The following AGBL4 variants were observed in gnomAD, a reference collection of about 807,000 sequenced individuals.
AGBL4 encodes cytosolic carboxypeptidase 6.
AGBL4 carries 58 observed loss-of-function variants against 66.4 expected under a neutral mutation model. The observed-to-expected ratio is 0.87, with a 90% CI of 0.71 to 1.09. AGBL4 has a LOEUF of 1.09. AGBL4 is among the 50% of genes least tolerant of loss of function. The pLI, the probability that AGBL4 is intolerant of heterozygous loss-of-function variation, is 0.00. For missense variants in AGBL4, 579 were observed against 631.0 expected (o/e 0.92, Z 0.88); for synonymous variants, 234 against 222.9 (o/e 1.05, Z -0.44).
chr1:48,580,701 G>A (rs1201000421), intron 11 of AGBL4, among the ~76,000 whole-genome samples: 1 of 152,098 alleles, frequency 6.6e-6, no homozygotes, highest in East Asian at 1.9e-4. Context: ...TAAAGCCAAT[G>A]GGAGACAAAA....
At chr1:48,577,149 C>T (rs1644666916) in intron 11 of AGBL4, among the ~76,000 whole-genome samples, 1 of 152,198 alleles carries the variant, frequency 6.6e-6, no homozygotes, top group African/African-American at 2.4e-5. Flanking sequence ...AGGCCTAAAC[C>T]TGAAACTGGT....
chr1:48,708,688 C>T (rs1415295790), intron 6 of AGBL4, among the ~76,000 whole-genome samples: 20 of 152,188 alleles, frequency 1.3e-4, no homozygotes, highest in Admixed American at 1.3e-3. Flanking sequence ...AAGGGCTGAG[C>T]CTAAAGCTCA....
At chr1:49,220,338 T>A (rs1014343106) in intron 4 of AGBL4, among the ~76,000 whole-genome samples, 8 of 152,162 alleles carry the variant, frequency 5.3e-5, no homozygotes, top group Non-Finnish European at 4.4e-5. Context: ...ATGAACATGA[T>A]CCTTGTCATC....
chr1:48,800,548 T>C (rs1172666597), intron 6 of AGBL4, among the ~76,000 whole-genome samples: 3 of 152,192 alleles, frequency 2.0e-5, no homozygotes, highest in African/African-American at 7.2e-5. Context: ...ATTTGGTTTG[T>C]TCTTGTTTCT....
intron 2 of AGBL4, among the ~76,000 whole-genome samples, chr1:49,797,982 C>T (rs1460654218): frequency 3.3e-5 from 5 of 152,024 alleles, no homozygotes; most frequent in Non-Finnish European, 5.9e-5. Context: ...AGGCTGGTCT[C>T]GAACTACAGA....
chr1:49,564,199 TTTTC>T (rs1644131575), intron 3 of AGBL4, among the ~76,000 whole-genome samples: 1 of 152,136 alleles, frequency 6.6e-6, no homozygotes, highest in Non-Finnish European at 1.5e-5. Flanking sequence ...TTATTCTCTC[TTTTC>T]TTTATTAGTC....
At chr1:49,918,667 G>A (rs1571870028) in intron 1 of AGBL4, among the ~76,000 whole-genome samples, 1 of 152,134 alleles carries the variant, frequency 6.6e-6, no homozygotes, top group Non-Finnish European at 1.5e-5. Flanking sequence ...ACAAAAAGGA[G>A]CTGGTACCAT....
intron 5 of AGBL4, among the ~76,000 whole-genome samples, chr1:48,962,050 A>G (rs1258424943): frequency 6.6e-6 from 1 of 152,150 alleles, no homozygotes; most frequent in Non-Finnish European, 1.5e-5. Flanking sequence ...GTATAGAACC[A>G]CAGACTTAGA....
chr1:48,867,092 G>T, intron 6 of AGBL4, 99 bp downstream of exon 6: 1 of 1,332,192 alleles, frequency 7.5e-7, no homozygotes, highest in South Asian at 1.2e-5. Context: ...TTCATTCAGG[G>T]AGCCAAAAGA....
chr1:49,633,089 A>G (rs1571214977), intron 3 of AGBL4, among the ~76,000 whole-genome samples: 1 of 152,022 alleles, frequency 6.6e-6, no homozygotes, highest in East Asian at 1.9e-4. Flanking sequence ...TAAATAAGTA[A>G]ATAAAAATAA....
At chr1:49,552,463 G>A (rs1653042873) in intron 3 of AGBL4, among the ~76,000 whole-genome samples, 1 of 152,192 alleles carries the variant, frequency 6.6e-6, no homozygotes, top group Non-Finnish European at 1.5e-5. Context: ...GACCCAGCGA[G>A]CTCCCAGGGC....
At chr1:49,712,932 T>A (rs1224734647) in intron 2 of AGBL4, among the ~76,000 whole-genome samples, 1 of 151,976 alleles carries the variant, frequency 6.6e-6, no homozygotes, top group East Asian at 1.9e-4. Context: ...TGGAGTAGTG[T>A]CCTAAGCACA....
intron 3 of AGBL4, among the ~76,000 whole-genome samples, chr1:49,473,662 C>T (rs1646791149): frequency 6.6e-6 from 1 of 151,894 alleles, no homozygotes; most frequent in Non-Finnish European, 1.5e-5. Flanking sequence ...CAATTTTTGT[C>T]TTTGTTGCTA....
intron 4 of AGBL4, among the ~76,000 whole-genome samples, chr1:49,146,634 G>T (rs1646223452): frequency 6.6e-6 from 1 of 152,194 alleles, no homozygotes; most frequent in Non-Finnish European, 1.5e-5. Context: ...GTGGGATGGT[G>T]GTGGTGACTG....
At chr1:49,737,353 TA>T (rs201754259) in intron 2 of AGBL4, among the ~76,000 whole-genome samples, 1 of 151,598 alleles carries the variant, frequency 6.6e-6, no homozygotes, top group African/African-American at 2.4e-5. Flanking sequence ...TACTCAGAAA[TA>T]AAAAAAATAA....
intron 1 of AGBL4, among the ~76,000 whole-genome samples, chr1:49,883,479 C>G (rs932056733): frequency 1.3e-5 from 2 of 152,040 alleles, no homozygotes; most frequent in Non-Finnish European, 2.9e-5. Flanking sequence ...CTTTTTACCT[C>G]TAGTGATTAT....
intron 4 of AGBL4, among the ~76,000 whole-genome samples, chr1:49,169,314 C>A (rs957278720): frequency 6.6e-6 from 1 of 152,162 alleles, no homozygotes; most frequent in Non-Finnish European, 1.5e-5. Flanking sequence ...TTATATCTTG[C>A]CCCATGATCC....
chr1:49,392,762 A>G (rs1229984085), intron 3 of AGBL4, among the ~76,000 whole-genome samples: 1 of 152,002 alleles, frequency 6.6e-6, no homozygotes, highest in Non-Finnish European at 1.5e-5. Flanking sequence ...AGAAAACACT[A>G]GAAAGAAATT....
rs181835182 is a variant in AGBL4, at chr1:49,991,422, T to A, written c.34+32341A>T. ...ACTTCTAAAAACAAATATATTGCAATCTTTATAATAATCAGATTTTGCCAA... is the reference window on the plus strand; with the variant it reads ...ACTTCTAAAAACAAATATATTGCAAACTTTATAATAATCAGATTTTGCCAA... On this transcript the variant is annotated intron_variant, in intron 1 of 13. Coordinates refer to ENST00000371839, the MANE Select transcript of AGBL4 (RefSeq NM_032785.4). Among the ~76,000 whole-genome samples the A allele has an allele frequency of 1.1e-3, 164 of 152,302 alleles. 1 individual carries two copies. The highest frequency in any genetic ancestry group is 3.7e-3 in the African/African-American group (154 of 41,568).
Sources: allele counts gnomAD v4.1 joint callset (sites outside exome capture counted in the v4.1 genomes callset), GRCh38; gene constraint gnomAD v4.1.1; transcripts MANE v1.5; gene names NCBI Gene and HGNC (gene_info 2026-07-23, HGNC 2026-07-21).